HACE1: variants seen among roughly 807,000 people sequenced by gnomAD.
HACE1 encodes HECT domain and ankyrin repeat containing E3 ubiquitin protein ligase 1.
A neutral mutation model predicts 118.4 loss-of-function variants in HACE1; 73 were observed. The ratio of observed to expected loss-of-function variants is 0.62; its 90% CI spans 0.51 to 0.75. The LOEUF (loss-of-function observed/expected upper bound fraction) is 0.75, where lower values mean the gene tolerates loss of function less well. Ranked by LOEUF, HACE1 falls within the 30% of genes least tolerant of loss-of-function variation. HACE1 has a pLI of 0.00. For synonymous variants in HACE1, 368 were observed against 374.8 expected, an observed-to-expected ratio of 0.98 and a Z score of 0.21; for missense variants, 749 against 1,102.2, an observed-to-expected ratio of 0.68 and a Z score of 4.54.
intron 19 of HACE1, among the ~76,000 whole-genome samples, chr6:104,759,654 G>A: frequency 6.6e-6 from 1 of 151,988 alleles, no homozygotes; most frequent in East Asian, 1.9e-4. Context: ...AGAAGCAAGA[G>A]CAAACAAATT....
chr6:104,777,359 A>T (rs886270240), intron 14 of HACE1, 42 bp from the exon 15 acceptor site: 1 of 1,187,556 alleles, frequency 8.4e-7, no homozygotes. Flanking sequence ...GCAGTGTATC[A>T]GTCATCTAAT....
chr6:104,747,434 C>T (rs1197606811), intron 20 of HACE1, among the ~76,000 whole-genome samples: 1 of 152,056 alleles, frequency 6.6e-6, no homozygotes, highest in African/African-American at 2.4e-5. Context: ...AGAATTTAAC[C>T]TGAATCCTTT....
At chr6:104,760,309 G>T (rs9486008) in intron 19 of HACE1, among the ~76,000 whole-genome samples, 2 of 152,010 alleles carry the variant, frequency 1.3e-5, no homozygotes, top group African/African-American at 2.4e-5. Flanking sequence ...ATAAAATACC[G>T]GCAAACCAAA....
chr6:104,794,142 T>C (rs1317808131), intron 10 of HACE1, among the ~76,000 whole-genome samples: 1 of 152,204 alleles, frequency 6.6e-6, no homozygotes, highest in African/African-American at 2.4e-5. Context: ...TTTTTACATG[T>C]AAAATGGAGA....
intron 6 of HACE1, chr6:104,831,161 C>T (rs1436103342): frequency 6.6e-6 from 1 of 152,164 alleles, no homozygotes; most frequent in East Asian, 1.9e-4. Context: ...TTAAGCCCTC[C>T]ATCTTTATAT....
chr6:104,770,325 A>C (rs1300973425), intron 19 of HACE1, among the ~76,000 whole-genome samples: 1 of 152,182 alleles, frequency 6.6e-6, no homozygotes, highest in African/African-American at 2.4e-5. Flanking sequence ...TAAAACACCA[A>C]GCCATATTAA....
At position 104,744,608 on chromosome 6, in the gene HACE1, C is replaced by T; in HGVS notation, c.2346G>A (p.Glu782=). 6.5e-7 allele frequency: 1 copy of T among 1,542,266 alleles called. No individual in the cohort carries two copies. Among genetic ancestry groups the T allele is most frequent in the Non-Finnish European group, 9.0e-7 (1 of 1,114,784 alleles). Residue 782 remains glutamate (E), a splice_region_variant and synonymous_variant, in exon 21 of 24, where the codon GAG becomes GAA. Coordinates refer to ENST00000262903, the MANE Select transcript of HACE1 (RefSeq NM_020771.4). ...LIQLFDEYEL[E]LLLSGMPEID... is the part of the protein sequence containing the mutation. Reference sequence around the variant, plus strand: ...TTTCTGGCATGCCAGAAAGCAGTAGCTCCTTGGGGGAAGAAGAAAAATATT... The same window carrying T: ...TTTCTGGCATGCCAGAAAGCAGTAGTTCCTTGGGGGAAGAAGAAAAATATT...
Position 104,750,440 on chromosome 6 carries a change from T to C in HACE1, c.2244A>G (p.Arg748=). Residue 748 remains arginine, a synonymous_variant, in exon 20 of 24, where the codon CGA becomes CGG. Coordinates refer to ENST00000262903, the MANE Select transcript of HACE1 (RefSeq NM_020771.4). The part of the protein sequence containing the change: ...AEYVQLVTEL[R]MTRAIQPQIN... ...TCTGAGGCTGAATGGCTCTTGTCAT[T>C]CGAAGTTCAGTAACAAGCTGGACGT... 3.1e-6 allele frequency: 5 copies of C among 1,613,748 alleles called. No homozygotes were observed. The highest frequency in any genetic ancestry group is 4.2e-6 in the Non-Finnish European group (5 of 1,179,736).
chr6:104,729,536 T>C lies in HACE1; in HGVS notation c.*126A>G, dbSNP rs1269374572. The C allele has an allele frequency of 2.8e-6, 2 of 705,910 alleles. No homozygotes were observed. Among genetic ancestry groups the C allele is most frequent in the Non-Finnish European group, 2.6e-6 (1 of 383,320 alleles). 43.7% of individuals were successfully genotyped at this position (705,910 alleles called of 1,614,324 possible). A position where few individuals can be genotyped will look rare whatever the true frequency, so the allele number is the denominator to read the frequency against. On this transcript the variant is annotated 3_prime_UTR_variant, in exon 24 of 24. Coordinates refer to ENST00000262903, the MANE Select transcript of HACE1 (RefSeq NM_020771.4). ...AGAAACAGAAAACCTGATGATCCTT[T>C]ATAAATTGGAAGCATCAGCCCTGCC...
intron 19 of HACE1, among the ~76,000 whole-genome samples, chr6:104,756,423 AAAAATAT>A (rs547466483): frequency 0.04 from 5,277 of 130,312 alleles, 136 homozygotes; most frequent in Admixed American, 0.1. Flanking sequence ...AAAAAAAAAA[AAAAATAT>A]ATATATATAT....
chr6:104,798,453 C>T (rs1240161212), intron 7 of HACE1, among the ~76,000 whole-genome samples: 4 of 152,012 alleles, frequency 2.6e-5, no homozygotes, highest in Admixed American at 1.3e-4. Flanking sequence ...AACTCTGCAA[C>T]GTTATTATAG....
intron 6 of HACE1, among the ~76,000 whole-genome samples, chr6:104,827,784 T>C (rs924920027): frequency 6.6e-6 from 1 of 152,116 alleles, no homozygotes. Flanking sequence ...CTGAACATAG[T>C]TGAGCACTGT....
chr6:104,808,524 C>T (rs1771267508), intron 7 of HACE1, among the ~76,000 whole-genome samples: 1 of 152,124 alleles, frequency 6.6e-6, no homozygotes, highest in African/African-American at 2.4e-5. Context: ...TAGGTTCTTT[C>T]CCCTGTATCT....
Position 104,750,390 on chromosome 6 carries a change from T to C in HACE1, c.2294A>G (p.His765Arg), listed in dbSNP as rs1350946519. The C allele has an allele frequency of 1.9e-6, 3 of 1,612,836 alleles. No homozygotes were observed. Among genetic ancestry groups the C allele is most frequent in the Non-Finnish European group, 2.5e-6 (3 of 1,179,092 alleles). The part of the protein sequence containing the change: ...PQINAFLQGF[H>R]MFIPPSLIQL... ...TATGAGGGAGGGTGGAATGAACATA[T>C]GAAAGCCCTGTAAAAAAGCATTGAT... The change falls in exon 20 of 24, where the codon CAT (histidine) becomes CGT (arginine). Residue 765 changes from histidine to arginine, a missense_variant. His to Arg is a conservative substitution (Grantham distance 29, BLOSUM62 0). Around this residue, in one of 5 missense-constraint regions of HACE1, gnomAD observed 165 missense variants for 229.9 expected, o/e 0.72. Coordinates refer to ENST00000262903, the MANE Select transcript of HACE1 (RefSeq NM_020771.4).
At chr6:104,819,400 A>G (rs1475980956) in intron 6 of HACE1, among the ~76,000 whole-genome samples, 1 of 152,190 alleles carries the variant, frequency 6.6e-6, no homozygotes, top group Non-Finnish European at 1.5e-5. Context: ...ACACAAACAA[A>G]TGGAAAAACA....
intron 1 of HACE1, 124 bp from the exon 2 acceptor site, chr6:104,852,495 G>C: frequency 6.1e-6 from 4 of 652,460 alleles, no homozygotes; most frequent in South Asian, 1.7e-5. Flanking sequence ...AAGGAGGAAA[G>C]AATAATGCAG....
At chr6:104,827,724 G>A (rs537557622) in intron 6 of HACE1, among the ~76,000 whole-genome samples, 5 of 152,174 alleles carry the variant, frequency 3.3e-5, no homozygotes, top group African/African-American at 7.2e-5. Context: ...ATGGCTGTCC[G>A]TAACTGGATG....
intron 4 of HACE1, among the ~76,000 whole-genome samples, chr6:104,848,138 TC>T (rs1305251247): frequency 6.6e-6 from 1 of 150,906 alleles, no homozygotes; most frequent in Non-Finnish European, 1.5e-5. Flanking sequence ...AGGCCTGGAC[TC>T]CATAAAGAAG....
At chr6:104,792,985 T>A (rs1428092721) in intron 10 of HACE1, among the ~76,000 whole-genome samples, 2 of 152,062 alleles carry the variant, frequency 1.3e-5, no homozygotes, top group African/African-American at 4.8e-5. Flanking sequence ...AATAGTTGCT[T>A]TTGCCGGGCG....
Sources: allele counts gnomAD v4.1 joint callset (sites outside exome capture counted in the v4.1 genomes callset), GRCh38; gene constraint gnomAD v4.1.1; regional missense constraint gnomAD v4.1.1; transcripts MANE v1.5; gene names NCBI Gene and HGNC (gene_info 2026-07-23, HGNC 2026-07-21).